The following LIPA variants were observed in gnomAD, a reference collection of about 807,000 sequenced individuals.
LIPA encodes lipase A, lysosomal acid type, also known as lysosomal acid lipase/cholesteryl ester hydrolase.
Under a neutral mutation model 40.6 loss-of-function variants are expected in LIPA, and 26 were observed. The ratio of observed to expected loss-of-function variants is 0.64; its 90% CI spans 0.47 to 0.89. The LOEUF (loss-of-function observed/expected upper bound fraction) is 0.89. LIPA is among the 40% of genes least tolerant of loss of function. LIPA has a pLI of 0.00. For synonymous variants in LIPA, 188 were observed against 168.4 expected, an observed-to-expected ratio of 1.12 and a Z score of -0.90; for missense variants, 455 against 479.6, an observed-to-expected ratio of 0.95 and a Z score of 0.48.
intron 1 of LIPA, among the ~76,000 whole-genome samples, chr10:89,296,265 G>C (rs562649905): frequency 2.9e-4 from 44 of 152,108 alleles, no homozygotes; most frequent in African/African-American, 9.6e-4. Flanking sequence ...TTCCCAAGGC[G>C]GGCAGATCCC....
At chr10:89,262,125 T>C (rs1185859649) in intron 1 of LIPA, among the ~76,000 whole-genome samples, 1 of 152,164 alleles carries the variant, frequency 6.6e-6, no homozygotes, top group East Asian at 1.9e-4. Flanking sequence ...TTTTTATTGT[T>C]ACCTGACTAG....
At chr10:89,225,049 G>A in intron 6 of LIPA, 43 bp downstream of exon 6, 1 of 1,608,400 alleles carries the variant, frequency 6.2e-7, no homozygotes, top group Non-Finnish European at 8.5e-7. Context: ...ATCTCAGGAG[G>A]AAATCTGCGG....
At chr10:89,339,944 A>T in intron 1 of LIPA, 1 of 1,614,166 alleles carries the variant, frequency 6.2e-7, no homozygotes, top group East Asian at 2.2e-5. Flanking sequence ...CAGAATGGAG[A>T]TCTGCTGCAA....
intron 2 of LIPA, among the ~76,000 whole-genome samples, chr10:89,388,750 G>A (rs1844225578): frequency 6.6e-6 from 1 of 150,666 alleles, no homozygotes; most frequent in African/African-American, 2.4e-5. Flanking sequence ...GATCTTTTCT[G>A]AAATTTCTTG....
At chr10:89,252,526 G>C (rs1280646784), upstream of LIPA, among the ~76,000 whole-genome samples, 2 of 152,066 alleles carry the variant, frequency 1.3e-5, no homozygotes, top group African/African-American at 4.8e-5. Flanking sequence ...AACAACAAGG[G>C]GCTGGGCACA....
intron 2 of LIPA, chr10:89,378,125 T>G: frequency 6.2e-7 from 1 of 1,613,664 alleles, no homozygotes; most frequent in Non-Finnish European, 8.5e-7. Flanking sequence ...ACCTGCTATC[T>G]TCATAGCACC....
At chr10:89,411,963 T>C (rs1193080410) in intron 2 of LIPA, among the ~76,000 whole-genome samples, 1 of 152,208 alleles carries the variant, frequency 6.6e-6, no homozygotes, top group Non-Finnish European at 1.5e-5. Context: ...CAAATTTGTT[T>C]CCTCTAGAAT....
chr10:89,293,414 A>G (rs775214162), intron 1 of LIPA, among the ~76,000 whole-genome samples: 3 of 152,028 alleles, frequency 2.0e-5, no homozygotes, highest in Non-Finnish European at 2.9e-5. Context: ...TTCTCCACCC[A>G]TATGTAATTC....
At chr10:89,290,475 T>C (rs1843367663) in intron 1 of LIPA, among the ~76,000 whole-genome samples, 1 of 151,904 alleles carries the variant, frequency 6.6e-6, no homozygotes, top group Admixed American at 6.5e-5. Context: ...ATGCTATTTT[T>C]CTTATTAATA....
At chr10:89,391,655 G>C (rs190767627) in intron 2 of LIPA, among the ~76,000 whole-genome samples, 1 of 151,624 alleles carries the variant, frequency 6.6e-6, no homozygotes, top group East Asian at 1.9e-4. Context: ...TCAGCCTCTC[G>C]AGTAGGTGGG....
chr10:89,394,364 C>G (rs1844302442), intron 2 of LIPA, among the ~76,000 whole-genome samples: 1 of 151,880 alleles, frequency 6.6e-6, no homozygotes, highest in Non-Finnish European at 1.5e-5. Flanking sequence ...AATAAGGAAT[C>G]TTAGATTTAG....
intron 1 of LIPA, among the ~76,000 whole-genome samples, chr10:89,298,197 C>T (rs1843426329): frequency 1.3e-5 from 2 of 152,194 alleles, no homozygotes; most frequent in African/African-American, 4.8e-5. Flanking sequence ...TCTGAGCAAG[C>T]TATCTGGGGG....
At chr10:89,290,971 C>A (rs1165559704) in intron 1 of LIPA, among the ~76,000 whole-genome samples, 2 of 152,180 alleles carry the variant, frequency 1.3e-5, no homozygotes, top group Non-Finnish European at 2.9e-5. Context: ...TCATCTTATC[C>A]TTTCACTTAA....
chr10:89,383,749 G>C lies in LIPA; in HGVS notation c.61+29042C>G, dbSNP rs1417783502. On this transcript the variant is annotated intron_variant, in intron 2 of 8. Coordinates refer to the LIPA transcript ENST00000371837. ...GTGTCCAGAGGTGGACTGTGAGGAAGGATGGGCCTTGGCGAAGTGTGGTGG... is the reference window on the plus strand; with the variant it reads ...GTGTCCAGAGGTGGACTGTGAGGAACGATGGGCCTTGGCGAAGTGTGGTGG... 2 of 1,614,096 alleles carry C rather than the reference G, an allele frequency of 1.2e-6. No individual in the cohort carries two copies. The highest frequency in any genetic ancestry group is 2.7e-5 in the African/African-American group (2 of 74,938).
At chr10:89,299,319 T>C (rs566242736) in intron 1 of LIPA, among the ~76,000 whole-genome samples, 64 of 151,752 alleles carry the variant, frequency 4.2e-4, no homozygotes, top group African/African-American at 1.5e-3. Context: ...AAAAAAAGAA[T>C]TAAAAAGTAT....
chr10:89,256,921 T>C (rs1843184094), intron 1 of LIPA, among the ~76,000 whole-genome samples: 2 of 152,142 alleles, frequency 1.3e-5, no homozygotes, highest in South Asian at 4.1e-4. Context: ...TTAAACTTAA[T>C]AAAGAGAGAA....
intron 1 of LIPA, chr10:89,306,899 C>T (rs1589596096): frequency 1.2e-6 from 2 of 1,614,004 alleles, no homozygotes; most frequent in Non-Finnish European, 1.7e-6. Context: ...GTTACTGGAA[C>T]TAATAGGACA....
chr10:89,320,467 A>G (rs1336095084), intron 1 of LIPA, among the ~76,000 whole-genome samples: 1 of 152,214 alleles, frequency 6.6e-6, no homozygotes, highest in Non-Finnish European at 1.5e-5. Flanking sequence ...TCCCATTCAC[A>G]ATTGCTTCAA....
At chr10:89,247,379 C>CAA (rs71022556) in intron 2 of LIPA, among the ~76,000 whole-genome samples, 159 bp downstream of exon 2, 801 of 75,400 alleles carry the variant, frequency 0.011, 28 homozygotes, top group Non-Finnish European at 0.014. Flanking sequence ...GACTCTGCCT[C>CAA]AAAAAAAAAA....
Sources: allele counts gnomAD v4.1 joint callset (sites outside exome capture counted in the v4.1 genomes callset), GRCh38; gene constraint gnomAD v4.1.1; transcripts MANE v1.5; gene names NCBI Gene and HGNC (gene_info 2026-07-23, HGNC 2026-07-21).